The following KIRREL1 variants were observed in gnomAD, a reference collection of about 807,000 sequenced individuals.
KIRREL1 encodes the protein kin of IRRE-like protein 1.
A neutral mutation model predicts 83.3 loss-of-function variants in KIRREL1; 25 were observed. The observed-to-expected ratio is 0.30, with a 90% CI of 0.22 to 0.42. The LOEUF (loss-of-function observed/expected upper bound fraction) is 0.42, where lower values mean the gene tolerates loss of function less well. KIRREL1 is among the 10% of genes least tolerant of loss of function. The pLI, the probability that KIRREL1 is intolerant of heterozygous loss-of-function variation, is 1.00. For synonymous variants in KIRREL1, 388 were observed against 410.4 expected, an observed-to-expected ratio of 0.95 and a Z score of 0.66; for missense variants, 812 against 1,032.3, an observed-to-expected ratio of 0.79 and a Z score of 2.92.
rs372766196 is a variant in KIRREL1 at position 158,002,304 on chromosome 1, C to T, written c.52+8576C>T. ...CCCCCAAGCTTGGGCCATGTCTACA[C>T]TGCCCAGAGTCAAGGGGAGCCATCT... On this transcript the variant is annotated intron_variant, in intron 1 of 14. Transcript: ENST00000359209. Among the ~76,000 whole-genome samples the T allele has an allele frequency of 2.6e-5, 4 of 152,346 alleles. No homozygotes were observed. The East Asian group carries it at 7.7e-4, about 29-fold the overall frequency.
intron 1 of KIRREL1, among the ~76,000 whole-genome samples, chr1:158,044,613 C>T (rs1404543255): frequency 2.0e-5 from 3 of 152,168 alleles, no homozygotes; most frequent in South Asian, 4.1e-4. Context: ...ATTCTCATAC[C>T]TCAGCCTCCT....
chr1:158,062,729 C>A (rs1055585999), intron 1 of KIRREL1, among the ~76,000 whole-genome samples: 1 of 152,254 alleles, frequency 6.6e-6, no homozygotes, highest in African/African-American at 2.4e-5. Context: ...ACAAAACACA[C>A]TGACATCACC....
At chr1:158,048,263 A>T (rs1020486192) in intron 1 of KIRREL1, among the ~76,000 whole-genome samples, 1 of 152,238 alleles carries the variant, frequency 6.6e-6, no homozygotes, top group African/African-American at 2.4e-5. Context: ...TAAAACTTAC[A>T]TCAGGCTTAC....
chr1:158,094,350 G>A lies in KIRREL1; in HGVS notation c.1757G>A (p.Arg586His), dbSNP rs779189711. Residue 586 changes from arginine (R) to histidine (H), a missense_variant, in exon 14 of 15, where the codon CGC (arginine) becomes CAC (histidine). Coordinates refer to ENST00000359209, the MANE Select transcript of KIRREL1 (RefSeq NM_018240.7). The surrounding 1 kb of genome is among the most constrained non-coding windows in gnomAD (Gnocchi z 4.6). ...GATGTGGATCTGAAGCAGGACCTGC[G>A]CTGCGACACCATCGACACCCGGGAG... ...KDDVDLKQDL[R>H]CDTIDTREEY... is the part of the protein sequence containing the mutation. 4 of 1,612,060 alleles carry A rather than the reference G, an allele frequency of 2.5e-6. No homozygotes were observed. Among genetic ancestry groups the A allele is most frequent in the Admixed American group, 1.7e-5 (1 of 59,700 alleles).
In KIRREL1 at chr1:158,061,666, A is replaced by T. The variant is rs1315481513; in HGVS notation, c.53-14447A>T. ...TGAGGCTGAGATGTACTGACACAGG[A>T]CAGAGAGACAAGTGAGCAGAGTTGG... On this transcript the variant is annotated intron_variant, in intron 1 of 14. Coordinates refer to ENST00000359209, the MANE Select transcript of KIRREL1 (RefSeq NM_018240.7). 2.0e-5 allele frequency among the ~76,000 whole-genome samples: 3 copies of T among 152,140 alleles called. 1 individual carries two copies. In the South Asian group the frequency reaches 6.2e-4, roughly 32 times the overall value.
At chr1:158,079,944 G>A (rs1661799738) in intron 3 of KIRREL1, among the ~76,000 whole-genome samples, 1 of 152,194 alleles carries the variant, frequency 6.6e-6, no homozygotes. Flanking sequence ...TGGATGTAAA[G>A]GCCCTGAAGG....
rs763333965 is a variant in KIRREL1 at position 158,094,782 on chromosome 1, G to A, written c.1936G>A (p.Gly646Ser). 1.7e-5 allele frequency: 28 copies of A among 1,614,004 alleles called. No individual in the cohort carries two copies. The highest frequency in any genetic ancestry group is 4.4e-5 in the South Asian group (4 of 91,082). ...CTCATCCCGTCTCTCCCACTCCAGCGGCTATGCCCAGCTCAACACCTATAG... is the reference window on the plus strand; with the variant it reads ...CTCATCCCGTCTCTCCCACTCCAGCAGCTATGCCCAGCTCAACACCTATAG... ...RPSSRLSHSS[G>S]YAQLNTYSRG... Residue 646 changes from glycine (G) to serine (S), a missense_variant, in exon 15 of 15, where the codon GGC becomes AGC. By Grantham distance (56) the Gly-to-Ser change is moderately conservative (BLOSUM62 0). Around this residue, in one of 3 missense-constraint regions of KIRREL1, gnomAD observed 334 missense variants for 383.7 expected, o/e 0.87. Coordinates refer to ENST00000359209, the MANE Select transcript of KIRREL1 (RefSeq NM_018240.7). The surrounding 1 kb of genome is among the most constrained non-coding windows in gnomAD (Gnocchi z 4.6).
At chr1:158,029,366 T>TGTGTGTGTGTGCGCGCGC (rs1553238087) in intron 1 of KIRREL1, among the ~76,000 whole-genome samples, 3 of 148,930 alleles carry the variant, frequency 2.0e-5, no homozygotes, top group African/African-American at 7.5e-5. Flanking sequence ...TGTGTGTGTG[T>TGTGTGTGTGTGCGCGCGC]GCACGTGCGC....
At chr1:158,007,758 G>A (rs1659560657) in intron 1 of KIRREL1, among the ~76,000 whole-genome samples, 1 of 151,890 alleles carries the variant, frequency 6.6e-6, no homozygotes, top group African/African-American at 2.4e-5. Context: ...GACAACTATG[G>A]CCCGGAGTCC....
chr1:158,051,712 G>A (rs1018764691), intron 1 of KIRREL1, among the ~76,000 whole-genome samples: 2 of 151,938 alleles, frequency 1.3e-5, no homozygotes, highest in Non-Finnish European at 2.9e-5. Flanking sequence ...TCTTCAGTGG[G>A]TCCCCATCAT....
At chr1:158,047,664 T>C (rs1036897568) in intron 1 of KIRREL1, among the ~76,000 whole-genome samples, 2 of 152,130 alleles carry the variant, frequency 1.3e-5, no homozygotes, top group African/African-American at 2.4e-5. Flanking sequence ...TGTTTTCTAG[T>C]TGGGTTAACC....
Position 158,094,905 on chromosome 1 carries a change from T to C in KIRREL1, c.2059T>C (p.Tyr687His), listed in dbSNP as rs1020172419. Residue 687 changes from tyrosine (Y) to histidine (H), a missense_variant, in exon 15 of 15, where the codon TAT (tyrosine) becomes CAT (histidine). Transcript: ENST00000359209. This position sits in a 1 kb window ranked among gnomAD's most constrained non-coding sequence, Gnocchi z 4.6. ...AACCAGCCAGCTGTCCTACGAGAAC[T>C]ATGAGAAGTTCAACTCCCATCCCTT... is the stretch of plus-strand genomic sequence containing the variant. ...DTTSQLSYEN[Y>H]EKFNSHPFPG... The C allele has an allele frequency of 6.2e-7, 1 of 1,613,982 alleles. No homozygotes were observed. The highest frequency in any genetic ancestry group is 8.5e-7 in the Non-Finnish European group (1 of 1,179,978).
chr1:158,032,943 G>T (rs1183057905), intron 1 of KIRREL1, among the ~76,000 whole-genome samples: 1 of 152,226 alleles, frequency 6.6e-6, no homozygotes, highest in East Asian at 1.9e-4. Context: ...GCTAATTTTT[G>T]TATTTTTAGT....
intron 1 of KIRREL1, among the ~76,000 whole-genome samples, chr1:158,058,055 G>A (rs992388692): frequency 6.6e-6 from 1 of 152,200 alleles, no homozygotes; most frequent in African/African-American, 2.4e-5. Flanking sequence ...ATTTTCTGGA[G>A]GGGAAGCTTG....
At chr1:158,012,768 C>T (rs550114831) in intron 1 of KIRREL1, among the ~76,000 whole-genome samples, 14 of 152,332 alleles carry the variant, frequency 9.2e-5, no homozygotes, top group East Asian at 1.9e-4. Flanking sequence ...TCCCATTACC[C>T]GCCTAGTGCA....
intron 2 of KIRREL1, among the ~76,000 whole-genome samples, chr1:158,076,986 T>C (rs1178769415): frequency 2.0e-5 from 3 of 152,220 alleles, no homozygotes; most frequent in African/African-American, 7.2e-5. Context: ...TGGACCTTCA[T>C]TTACTGTGTG....
In KIRREL1 at chr1:158,083,686, A is replaced by G. The variant is rs958010891; in HGVS notation, c.353-736A>G. ...TCTGCTCCAGGGCAGAGGAGCAGACAGGAGGAAGGATGGGAGAAGTGCTAT... is the reference window on the plus strand; with the variant it reads ...TCTGCTCCAGGGCAGAGGAGCAGACGGGAGGAAGGATGGGAGAAGTGCTAT... On this transcript the variant is annotated intron_variant, in intron 3 of 14. Coordinates refer to ENST00000359209, the MANE Select transcript of KIRREL1 (RefSeq NM_018240.7). Among the ~76,000 whole-genome samples, 8 of 152,210 alleles carry G rather than the reference A, an allele frequency of 5.3e-5. No individual in the cohort carries two copies. In the East Asian group the frequency reaches 1.2e-3, roughly 22 times the overall value.
chr1:158,088,179 G>A (rs375488441), intron 7 of KIRREL1, 25 bp downstream of exon 7: 28 of 1,613,952 alleles, frequency 1.7e-5, no homozygotes, highest in Admixed American at 6.7e-5. Flanking sequence ...GGGCAGGGAC[G>A]GGGACAGAGA....
intron 1 of KIRREL1, among the ~76,000 whole-genome samples, chr1:158,026,397 A>G (rs1427199372): frequency 1.3e-5 from 2 of 152,168 alleles, no homozygotes; most frequent in African/African-American, 4.8e-5. Context: ...GACATCCTCT[A>G]GGCCCCGTGG....
Sources: gnomAD v4.1 joint callset for allele counts (sites outside exome capture counted in the v4.1 genomes callset) on GRCh38, gnomAD v4.1.1 for gene constraint, gnomAD v4.1.1 regional missense constraint, Gnocchi (gnomAD v3.1) non-coding constraint, MANE v1.5 for transcripts, NCBI Gene and HGNC (gene_info 2026-07-23, HGNC 2026-07-21) for gene names.